Variants in ROBO2 observed in about 807,000 individuals in gnomAD.
ROBO2 encodes the protein roundabout guidance receptor 2, also known as roundabout homolog 2.
In ROBO2, 53 loss-of-function variants were observed where a neutral mutation model predicts 160.8. The ratio of observed to expected loss-of-function variants is 0.33; its 90% CI spans 0.26 to 0.41. The LOEUF (loss-of-function observed/expected upper bound fraction) is 0.41, where lower values mean the gene tolerates loss of function less well. ROBO2 is among the 10% of genes least tolerant of loss of function. The probability of loss-of-function intolerance (pLI) is 1.00; values close to 1 mark genes in which losing one functional copy is unlikely to be tolerated. For missense variants in ROBO2, 1,577 were observed against 1,722.4 expected (o/e 0.92, Z 1.49); for synonymous variants, 664 against 611.7 (o/e 1.09, Z -1.26).
chr3:76,918,362 G>C (rs1304295359), intron 2 of ROBO2, among the ~76,000 whole-genome samples: 3 of 152,156 alleles, frequency 2.0e-5, no homozygotes, highest in Non-Finnish European at 2.9e-5. Flanking sequence ...CTTCTGCCAT[G>C]ATTGTAAGTT....
rs773974649 is a variant in ROBO2 at position 77,596,785 on chromosome 3, TTCTC to T, written c.2854+43_2854+46del. 2.6e-5 allele frequency: 41 copies of T among 1,576,366 alleles called. No individual in the cohort carries two copies. In the East Asian group the frequency reaches 6.4e-4, roughly 25 times the overall value. ...GTTTTTTAAAATAGTGTTATTTGAG[TTCTC>T]TCTCTCTTTTTTTTTTTTTGACCTT... On this transcript the variant is annotated intron_variant, in intron 19 of 25. Transcript: ENST00000461745.
intron 2 of ROBO2, among the ~76,000 whole-genome samples, chr3:76,490,612 C>T (rs2079766546): frequency 6.6e-6 from 1 of 152,158 alleles, no homozygotes; most frequent in African/African-American, 2.4e-5. Context: ...TCTAATATGT[C>T]GCCATGATAA....
At chr3:76,150,458 G>A (rs2072149060) in intron 2 of ROBO2, among the ~76,000 whole-genome samples, 1 of 138,504 alleles carries the variant, frequency 7.2e-6, no homozygotes, top group Non-Finnish European at 1.6e-5. Context: ...GCACACATCT[G>A]TCTAAAACAC....
chr3:76,060,711 A>G (rs2068044858), intron 2 of ROBO2, among the ~76,000 whole-genome samples: 2 of 152,332 alleles, frequency 1.3e-5, no homozygotes, highest in Admixed American at 1.3e-4. Flanking sequence ...TGTCACACCA[A>G]TGTTACAACT....
chr3:76,245,333 A>C (rs559223190), intron 2 of ROBO2, among the ~76,000 whole-genome samples: 1 of 152,184 alleles, frequency 6.6e-6, no homozygotes, highest in Non-Finnish European at 1.5e-5. Flanking sequence ...ATGTGCAGCA[A>C]TGTTCCTGGG....
At chr3:76,911,236 T>G (rs1478362717) in intron 2 of ROBO2, among the ~76,000 whole-genome samples, 2 of 152,222 alleles carry the variant, frequency 1.3e-5, no homozygotes, top group Non-Finnish European at 2.9e-5. Context: ...GTATTGTATT[T>G]GTTGCTAAGC....
intron 2 of ROBO2, among the ~76,000 whole-genome samples, chr3:76,005,132 A>G (rs2065984989): frequency 6.6e-6 from 1 of 152,232 alleles, no homozygotes; most frequent in African/African-American, 2.4e-5. Flanking sequence ...GGTTTCCAGA[A>G]CCATAAAGAA....
At chr3:76,302,587 T>C (rs1287787619) in intron 2 of ROBO2, among the ~76,000 whole-genome samples, 1 of 152,082 alleles carries the variant, frequency 6.6e-6, no homozygotes, top group Non-Finnish European at 1.5e-5. Flanking sequence ...CCATAAAATC[T>C]TAATACCATA....
intron 2 of ROBO2, among the ~76,000 whole-genome samples, chr3:76,479,460 C>T (rs1343079121): frequency 1.3e-5 from 2 of 152,110 alleles, no homozygotes; most frequent in East Asian, 3.9e-4. Context: ...TGTAAATGGA[C>T]TAAATACATT....
chr3:76,129,969 A>G (rs1407225024), intron 2 of ROBO2, among the ~76,000 whole-genome samples: 1 of 152,018 alleles, frequency 6.6e-6, no homozygotes, highest in Admixed American at 6.6e-5. Context: ...ATAAACTAAA[A>G]GAAAGTTAAT....
chr3:76,603,351 A>AAAAAATATATAT (rs1553826368), intron 2 of ROBO2, among the ~76,000 whole-genome samples: 8 of 26,402 alleles, frequency 3.0e-4, no homozygotes, highest in African/African-American at 1.9e-3. Flanking sequence ...AAAAAAAAAA[A>AAAAAATATATAT]ATATATATAT....
chr3:76,145,598 A>G (rs1234641690), intron 2 of ROBO2, among the ~76,000 whole-genome samples: 1 of 152,094 alleles, frequency 6.6e-6, no homozygotes, highest in Non-Finnish European at 1.5e-5. Context: ...TTAAACAAGT[A>G]GGATTATCTA....
intron 2 of ROBO2, among the ~76,000 whole-genome samples, chr3:77,224,106 T>C (rs567924909): frequency 8.5e-5 from 13 of 152,162 alleles, no homozygotes; most frequent in Admixed American, 2.6e-4. Flanking sequence ...CCAATGATCA[T>C]GAAAGTAGTA....
chr3:77,091,242 A>G (rs1258788094), intron 1 of ROBO2, among the ~76,000 whole-genome samples: 1 of 152,150 alleles, frequency 6.6e-6, no homozygotes, highest in Admixed American at 6.5e-5. Flanking sequence ...TTCTAGGTGC[A>G]TTTTCCTCCT....
At position 77,123,730 on chromosome 3, in the gene ROBO2, A is replaced by G. The variant is rs897500719; in HGVS notation, c.388+25390A>G. On this transcript the variant is annotated intron_variant, in intron 2 of 25. Transcript: ENST00000461745. ...CTATATAGATATATAGATAATCTATATGTATCTAGATATATAATCTATATA... is the reference window on the plus strand; with the variant it reads ...CTATATAGATATATAGATAATCTATGTGTATCTAGATATATAATCTATATA... Among the ~76,000 whole-genome samples the G allele has an allele frequency of 7.0e-5, 7 of 100,472 alleles. No homozygotes were observed. In the South Asian group the frequency reaches 1.5e-3, roughly 21 times the overall value. The allele number at this position is 100,472 out of a possible 152,430, so 65.9% of individuals were successfully genotyped here. A position where few individuals can be genotyped will look rare whatever the true frequency, so the allele number is the denominator to read the frequency against.
At chr3:76,998,483 C>T (rs982611164) in intron 2 of ROBO2, among the ~76,000 whole-genome samples, 16 of 152,046 alleles carry the variant, frequency 1.1e-4, no homozygotes, top group Admixed American at 3.3e-4. Flanking sequence ...AAGAAACTTC[C>T]ACATACATTT....
chr3:77,216,705 G>A lies in ROBO2; in HGVS notation c.388+118365G>A, dbSNP rs113541605. The stretch of plus-strand genomic sequence containing the variant: ...TGTAGACTGGAGCTGTTCCTATTCG[G>A]CCATCTTGGCTCCACCCCACAAATA... On this transcript the variant is annotated intron_variant, in intron 2 of 25. Coordinates refer to ENST00000461745, the Ensembl canonical transcript of ROBO2. Among the ~76,000 whole-genome samples the A allele has an allele frequency of 7.1e-3, 1,088 of 152,216 alleles. 12 individuals carry two copies. The highest frequency in any genetic ancestry group is 0.024 in the African/African-American group (997 of 41,524).
chr3:76,122,971 T>TCTCCTGAC (rs568569910), intron 2 of ROBO2, among the ~76,000 whole-genome samples: 1,972 of 152,166 alleles, frequency 0.013, 30 homozygotes, highest in South Asian at 0.021. Flanking sequence ...TTGGTCTTGA[T>TCTCCTGAC]CTCCTGACCT....
chr3:76,379,412 A>G (rs866823687), intron 2 of ROBO2, among the ~76,000 whole-genome samples: 3 of 152,258 alleles, frequency 2.0e-5, no homozygotes, highest in East Asian at 1.9e-4. Context: ...GTGTCTTTCT[A>G]TGTAGAACAA....
Sources: allele counts gnomAD v4.1 joint callset (sites outside exome capture counted in the v4.1 genomes callset), GRCh38; gene constraint gnomAD v4.1.1; transcripts MANE v1.5; gene names NCBI Gene and HGNC (gene_info 2026-07-23, HGNC 2026-07-21).